Variants in BCL2 observed in about 807,000 individuals in gnomAD.
BCL2 encodes the protein BCL2 apoptosis regulator, also known as apoptosis regulator Bcl-2.
Under a neutral mutation model 14.2 loss-of-function variants are expected in BCL2, and 1 was observed. The observed-to-expected ratio is 0.07, with a 90% CI of 0.02 to 0.33. The LOEUF (loss-of-function observed/expected upper bound fraction) is 0.33. BCL2 is among the 10% of genes least tolerant of loss of function. The pLI is 0.99. For missense variants in BCL2, 247 were observed against 305.9 expected (o/e 0.81, Z 1.44); for synonymous variants, 151 against 137.2 (o/e 1.10, Z -0.70).
At chr18:63,307,370 A>G (rs1362613375) in intron 2 of BCL2, among the ~76,000 whole-genome samples, 2 of 152,254 alleles carry the variant, frequency 1.3e-5, no homozygotes, top group Non-Finnish European at 2.9e-5. Context: ...TAATTGAGCC[A>G]AATATTAAAT....
At chr18:63,136,206 A>G (rs1477244444) in intron 2 of BCL2, among the ~76,000 whole-genome samples, 1 of 151,450 alleles carries the variant, frequency 6.6e-6, no homozygotes, top group Non-Finnish European at 1.5e-5. Context: ...CTTATATACC[A>G]CCCCTATGAT....
At chr18:63,147,164 C>T (rs1183677219) in intron 2 of BCL2, among the ~76,000 whole-genome samples, 4 of 152,148 alleles carry the variant, frequency 2.6e-5, no homozygotes, top group Admixed American at 6.5e-5. Context: ...GTCTGAGTGT[C>T]GACGCACCCT....
chr18:63,172,610 T>C (rs570756510), intron 2 of BCL2, among the ~76,000 whole-genome samples: 1 of 152,044 alleles, frequency 6.6e-6, no homozygotes, highest in Non-Finnish European at 1.5e-5. Context: ...TGAAACCCTG[T>C]CTCTACTAAA....
intron 2 of BCL2, among the ~76,000 whole-genome samples, chr18:63,168,524 C>T (rs139169971): frequency 1.1e-3 from 165 of 152,332 alleles, no homozygotes; most frequent in South Asian, 6.6e-3. Flanking sequence ...GGCTGCAGTT[C>T]TAACACGGAC....
At chr18:63,313,137 G>A (rs962536753) in intron 2 of BCL2, among the ~76,000 whole-genome samples, 25 of 152,164 alleles carry the variant, frequency 1.6e-4, no homozygotes, top group Non-Finnish European at 3.1e-4. Flanking sequence ...CTAGGATCAT[G>A]CTTATCAGGC....
intron 2 of BCL2, among the ~76,000 whole-genome samples, chr18:63,188,014 C>T (rs549357265): frequency 1.3e-5 from 2 of 152,244 alleles, no homozygotes; most frequent in African/African-American, 2.4e-5. Flanking sequence ...TCAGCAGAAT[C>T]GAATGCACTT....
At chr18:63,162,875 T>A (rs1194319966) in intron 2 of BCL2, among the ~76,000 whole-genome samples, 2 of 151,994 alleles carry the variant, frequency 1.3e-5, no homozygotes, top group East Asian at 3.9e-4. Context: ...TTCCTTTAAA[T>A]TGAGAAACTT....
intron 2 of BCL2, among the ~76,000 whole-genome samples, chr18:63,180,738 T>C (rs1915463424): frequency 6.6e-6 from 1 of 152,124 alleles, no homozygotes; most frequent in Admixed American, 6.5e-5. Context: ...CTCAAACTAC[T>C]AGTGATGGGG....
intron 2 of BCL2, among the ~76,000 whole-genome samples, chr18:63,138,840 T>G (rs1433793064): frequency 6.6e-6 from 1 of 152,234 alleles, no homozygotes; most frequent in Admixed American, 6.5e-5. Flanking sequence ...TCTGGTGTGT[T>G]CTGTTATGCA....
intron 2 of BCL2, among the ~76,000 whole-genome samples, chr18:63,166,891 T>G (rs1915059959): frequency 6.6e-6 from 1 of 152,196 alleles, no homozygotes; most frequent in Admixed American, 6.5e-5. Context: ...TGTCTTTCCT[T>G]CCATGGAGCA....
intron 2 of BCL2, among the ~76,000 whole-genome samples, chr18:63,144,572 G>A (rs1914459018): frequency 6.6e-6 from 1 of 152,034 alleles, no homozygotes; most frequent in Admixed American, 6.6e-5. Flanking sequence ...GGCTAAACAG[G>A]AAGTCCCGAG....
At position 63,127,004 on chromosome 18, in the gene BCL2, T is replaced by C. The variant is rs1476138895; in HGVS notation, c.*1621A>G. 5 of 227,658 alleles carry C rather than the reference T, an allele frequency of 2.2e-5. No homozygotes were observed. Among genetic ancestry groups the C allele is most frequent in the African/African-American group, 1.1e-4 (5 of 44,638 alleles). 14.1% of individuals were successfully genotyped at this position (227,658 alleles called of 1,614,324 possible). ...TTATTTGCTGAAGATGTCACTTCTT[T>C]TGTTACTTCTTTATAGTTCCCCACC... On this transcript the variant is annotated 3_prime_UTR_variant, in exon 3 of 3. Transcript: ENST00000333681.
intron 2 of BCL2, among the ~76,000 whole-genome samples, chr18:63,270,359 T>C (rs538982247): frequency 1.9e-4 from 29 of 152,328 alleles, no homozygotes; most frequent in African/African-American, 7.0e-4. Context: ...AAGTAGTTAA[T>C]AAGTCATCAT....
intron 2 of BCL2, among the ~76,000 whole-genome samples, chr18:63,176,652 T>C (rs1915356469): frequency 6.6e-6 from 1 of 152,228 alleles, no homozygotes; most frequent in Non-Finnish European, 1.5e-5. Flanking sequence ...GTACATGTGA[T>C]ATTTTGATAC....
chr18:63,144,049 T>G (rs538533845), intron 2 of BCL2, among the ~76,000 whole-genome samples: 6 of 152,326 alleles, frequency 3.9e-5, no homozygotes, highest in African/African-American at 1.2e-4. Context: ...TGGTGAAGGC[T>G]TCAAGAGAAA....
intron 2 of BCL2, among the ~76,000 whole-genome samples, chr18:63,151,776 TTATAAA>T (rs1440619263): frequency 6.6e-6 from 1 of 152,192 alleles, no homozygotes; most frequent in African/African-American, 2.4e-5. Flanking sequence ...ATTAGCACTA[TTATAAA>T]TATAAATGCT....
chr18:63,196,537 T>C (rs1215937162), intron 2 of BCL2, among the ~76,000 whole-genome samples: 3 of 152,010 alleles, frequency 2.0e-5, no homozygotes, highest in Non-Finnish European at 4.4e-5. Flanking sequence ...AATGCAATCG[T>C]TTCTCTCTAT....
At chr18:63,169,792 G>A (rs140730459) in intron 2 of BCL2, among the ~76,000 whole-genome samples, 1 of 152,168 alleles carries the variant, frequency 6.6e-6, no homozygotes, top group African/African-American at 2.4e-5. Context: ...CAAAGTGCTG[G>A]GATTACAGGT....
chr18:63,163,186 C>A (rs1266653104), intron 2 of BCL2, among the ~76,000 whole-genome samples: 1 of 152,124 alleles, frequency 6.6e-6, no homozygotes, highest in African/African-American at 2.4e-5. Flanking sequence ...CTTCTGGGAG[C>A]ACTCTTACCT....
Sources: gnomAD v4.1 joint callset for allele counts (sites outside exome capture counted in the v4.1 genomes callset) on GRCh38, gnomAD v4.1.1 for gene constraint, MANE v1.5 for transcripts, NCBI Gene and HGNC (gene_info 2026-07-23, HGNC 2026-07-21) for gene names.